The following PTPRG variants were observed in gnomAD, a reference collection of about 807,000 sequenced individuals.
PTPRG encodes the protein protein tyrosine phosphatase receptor type G, also known as receptor-type tyrosine-protein phosphatase gamma.
In PTPRG, 102 loss-of-function variants were observed where a neutral mutation model predicts 165.3. The observed-to-expected ratio is 0.62, with a 90% CI of 0.53 to 0.73. The LOEUF (loss-of-function observed/expected upper bound fraction) is 0.73, where lower values mean the gene tolerates loss of function less well. Among genes scored for constraint, PTPRG ranks in the 30% least tolerant of loss-of-function variants. The pLI is 0.00. For missense variants in PTPRG, 1,866 were observed against 1,861.4 expected (o/e 1.00, Z -0.05); for synonymous variants, 675 against 669.5 (o/e 1.01, Z -0.13).
chr3:62,235,732 T>C (rs1701016876), intron 14 of PTPRG, among the ~76,000 whole-genome samples: 1 of 152,218 alleles, frequency 6.6e-6, no homozygotes, highest in Non-Finnish European at 1.5e-5. Flanking sequence ...AGGCCATCTC[T>C]CCTATTCATG....
chr3:61,664,216 A>T (rs1325530407), intron 1 of PTPRG, among the ~76,000 whole-genome samples: 2 of 152,160 alleles, frequency 1.3e-5, no homozygotes, highest in African/African-American at 4.8e-5. Context: ...CCCACTCTAC[A>T]TGCTCCTTGT....
At chr3:61,669,251 T>C (rs1403834232) in intron 1 of PTPRG, among the ~76,000 whole-genome samples, 1 of 151,438 alleles carries the variant, frequency 6.6e-6, no homozygotes, top group Non-Finnish European at 1.5e-5. Context: ...TCATTTCCAG[T>C]GGGGTTGATG....
chr3:62,277,443 T>G (rs1702267191), intron 25 of PTPRG, 108 bp from the exon 26 acceptor site: 15 of 1,250,322 alleles, frequency 1.2e-5, no homozygotes, highest in Non-Finnish European at 1.7e-5. Context: ...CTCAATTATT[T>G]TAGTGTAGTC....
intron 1 of PTPRG, among the ~76,000 whole-genome samples, chr3:61,647,929 G>T (rs898027706): frequency 6.6e-6 from 1 of 152,022 alleles, no homozygotes; most frequent in Non-Finnish European, 1.5e-5. Flanking sequence ...TTGTGATTGC[G>T]GCCTGTGAGG....
intron 4 of PTPRG, among the ~76,000 whole-genome samples, chr3:62,040,918 G>A (rs1318624894): frequency 6.6e-6 from 1 of 152,142 alleles, no homozygotes; most frequent in Non-Finnish European, 1.5e-5. Flanking sequence ...ACTGACTTAG[G>A]CTATGCACTG....
chr3:62,072,182 G>A (rs560445918), intron 4 of PTPRG, among the ~76,000 whole-genome samples: 1 of 152,262 alleles, frequency 6.6e-6, no homozygotes, highest in Admixed American at 6.5e-5. Context: ...CAACAGTGGA[G>A]CATTGACTGT....
chr3:61,738,765 C>T (rs2032861640), intron 1 of PTPRG, among the ~76,000 whole-genome samples: 1 of 150,788 alleles, frequency 6.6e-6, no homozygotes, highest in Non-Finnish European at 1.5e-5. Context: ...TAACTTAATG[C>T]TTACTTCTTT....
chr3:62,217,027 T>G lies in PTPRG; in HGVS notation c.2156-1824T>G, dbSNP rs1700529520. On this transcript the variant is annotated intron_variant, in intron 12 of 29. Coordinates refer to ENST00000474889, the MANE Select transcript of PTPRG (RefSeq NM_002841.4). The surrounding 1 kb of genome is among the most constrained non-coding windows in gnomAD (Gnocchi z 4.3). ...CATTCATTGCATTCTAATTAATTGT[T>G]GTTGTGCCTGCCTCTCCCCATTTAA... 6.6e-6 allele frequency among the ~76,000 whole-genome samples: 1 copy of G among 152,168 alleles called. No homozygotes were observed.
intron 2 of PTPRG, among the ~76,000 whole-genome samples, chr3:61,893,763 T>A (rs1267381633): frequency 1.3e-5 from 2 of 152,248 alleles, no homozygotes; most frequent in African/African-American, 4.8e-5. Flanking sequence ...TGATTGGACT[T>A]GGATTCTTGA....
intron 1 of PTPRG, among the ~76,000 whole-genome samples, chr3:61,598,551 A>G (rs60298257): frequency 0.096 from 14,546 of 152,006 alleles, 769 homozygotes; most frequent in East Asian, 0.22. Context: ...TTAAGGTGTG[A>G]CTCCGCTTAG....
intron 2 of PTPRG, among the ~76,000 whole-genome samples, chr3:61,835,618 C>G (rs2107310107): frequency 6.6e-6 from 1 of 152,200 alleles, no homozygotes; most frequent in Admixed American, 6.5e-5. Context: ...AGGCATGAAC[C>G]ACCACGCCCA....
At chr3:61,957,168 T>C (rs2040051760) in intron 2 of PTPRG, among the ~76,000 whole-genome samples, 1 of 152,228 alleles carries the variant, frequency 6.6e-6, no homozygotes, top group African/African-American at 2.4e-5. Flanking sequence ...AATTAAAATA[T>C]TGTCACACAG....
intron 12 of PTPRG, among the ~76,000 whole-genome samples, chr3:62,216,132 C>T (rs996981246): frequency 1.3e-5 from 2 of 151,236 alleles, no homozygotes; most frequent in African/African-American, 4.9e-5. Flanking sequence ...GTGGGAGGAT[C>T]GCTTGAGCGT....
At chr3:62,227,192 G>A (rs1386818567) in intron 13 of PTPRG, among the ~76,000 whole-genome samples, 2 of 152,148 alleles carry the variant, frequency 1.3e-5, no homozygotes, top group African/African-American at 4.8e-5. Context: ...TGCCACAGTA[G>A]CAACAATGAC....
At chr3:61,598,354 C>T (rs889757221) in intron 1 of PTPRG, among the ~76,000 whole-genome samples, 1 of 152,190 alleles carries the variant, frequency 6.6e-6, no homozygotes, top group African/African-American at 2.4e-5. Context: ...AACGGCTTTT[C>T]TTGCTTCAGT....
At chr3:62,191,161 C>T (rs919297945) in intron 8 of PTPRG, among the ~76,000 whole-genome samples, 14 of 149,170 alleles carry the variant, frequency 9.4e-5, no homozygotes, top group African/African-American at 1.7e-4. Flanking sequence ...CGTGTGTGTG[C>T]GCATGTGCCT....
intron 5 of PTPRG, among the ~76,000 whole-genome samples, chr3:62,115,111 C>T (rs886562357): frequency 1.3e-5 from 2 of 152,218 alleles, no homozygotes; most frequent in African/African-American, 4.8e-5. Flanking sequence ...TAGAGATTTT[C>T]AGAGCATCGT....
intron 1 of PTPRG, among the ~76,000 whole-genome samples, chr3:61,618,583 G>A (rs1015020082): frequency 6.6e-6 from 1 of 152,160 alleles, no homozygotes; most frequent in African/African-American, 2.4e-5. Flanking sequence ...AAGTTTAGCA[G>A]TGGATGTCGA....
intron 3 of PTPRG, among the ~76,000 whole-genome samples, chr3:62,002,250 T>C (rs927775897): frequency 2.0e-5 from 3 of 152,216 alleles, no homozygotes; most frequent in African/African-American, 7.2e-5. Flanking sequence ...GGAGACCTAA[T>C]TTTCATGCAG....
Sources: gnomAD v4.1 joint callset for allele counts (sites outside exome capture counted in the v4.1 genomes callset) on GRCh38, gnomAD v4.1.1 for gene constraint, Gnocchi (gnomAD v3.1) non-coding constraint, MANE v1.5 for transcripts, NCBI Gene and HGNC (gene_info 2026-07-23, HGNC 2026-07-21) for gene names.